The following HMGCLL1 variants were observed in gnomAD, a reference collection of about 807,000 sequenced individuals.
HMGCLL1 encodes 3-hydroxymethyl-3-methylglutaryl-CoA lyase, cytoplasmic.
HMGCLL1 carries 36 observed loss-of-function variants against 39.1 expected under a neutral mutation model. The observed-to-expected ratio is 0.92, with a 90% confidence interval of 0.71 to 1.22. The LOEUF (loss-of-function observed/expected upper bound fraction) is 1.22. Ranked by LOEUF, HMGCLL1 falls within the 50% of genes most tolerant of loss-of-function variation. The pLI is 0.00. For missense variants in HMGCLL1, 451 were observed against 416.5 expected (o/e 1.08, Z -0.72); for synonymous variants, 149 against 144.0 (o/e 1.03, Z -0.25).
chr6:55,573,747 A>C (rs1358332265), intron 1 of HMGCLL1, among the ~76,000 whole-genome samples: 1 of 152,156 alleles, frequency 6.6e-6, no homozygotes, highest in Non-Finnish European at 1.5e-5. Context: ...AGAAGATTTA[A>C]AAGGAAACAA....
intron 7 of HMGCLL1, among the ~76,000 whole-genome samples, chr6:55,483,978 T>A (rs1765875130): frequency 6.6e-6 from 1 of 152,212 alleles, no homozygotes; most frequent in African/African-American, 2.4e-5. Flanking sequence ...AAGAATGGGT[T>A]AGGTAATAAA....
the HMGCLL1 span, among the ~76,000 whole-genome samples, chr6:55,638,948 G>A: frequency 6.6e-5 from 10 of 152,084 alleles, no homozygotes; most frequent in Admixed American, 6.6e-4. Context: ...AAATCTATGT[G>A]TCCTAGCAGC....
the HMGCLL1 span, among the ~76,000 whole-genome samples, chr6:55,655,536 G>GTAGATAGACAGA: frequency 6.8e-6 from 1 of 147,620 alleles, no homozygotes; most frequent in Admixed American, 6.8e-5. Context: ...AGTTATATTG[G>GTAGATAGACAGA]TAGATAGATA....
the HMGCLL1 span, among the ~76,000 whole-genome samples, chr6:55,636,561 G>A: frequency 1.3e-5 from 2 of 152,080 alleles, no homozygotes; most frequent in African/African-American, 4.8e-5. Flanking sequence ...TTATGGCTTA[G>A]TGTAAGGATT....
At chr6:55,498,356 T>C (rs1766697468) in intron 6 of HMGCLL1, among the ~76,000 whole-genome samples, 1 of 152,140 alleles carries the variant, frequency 6.6e-6, no homozygotes, top group Non-Finnish European at 1.5e-5. Context: ...TGTGCCTCTG[T>C]GTGCAAGGGT....
the HMGCLL1 span, among the ~76,000 whole-genome samples, chr6:55,614,148 T>G: frequency 6.6e-6 from 1 of 152,128 alleles, no homozygotes; most frequent in African/African-American, 2.4e-5. Context: ...TACAAATAAA[T>G]TGCATTAAAA....
At chr6:55,446,864 C>T (rs116449035) in intron 7 of HMGCLL1, among the ~76,000 whole-genome samples, 2,408 of 151,890 alleles carry the variant, frequency 0.016, 41 homozygotes, top group Non-Finnish European at 0.027. Context: ...TCCCAAAAAA[C>T]AATTAGATCT....
At chr6:55,637,302 G>A in the HMGCLL1 span, among the ~76,000 whole-genome samples, 1 of 152,250 alleles carries the variant, frequency 6.6e-6, no homozygotes, top group East Asian at 1.9e-4. Context: ...TGATAAGGAA[G>A]CAGAATATAG....
At chr6:55,535,782 C>T (rs1419957798) in intron 3 of HMGCLL1, among the ~76,000 whole-genome samples, 1 of 152,096 alleles carries the variant, frequency 6.6e-6, no homozygotes, top group Non-Finnish European at 1.5e-5. Context: ...GAAAATTTCC[C>T]AAATGGAAAG....
chr6:55,490,894 T>C (rs1581849283), intron 7 of HMGCLL1, among the ~76,000 whole-genome samples: 1 of 102,472 alleles, frequency 9.8e-6, no homozygotes, highest in South Asian at 2.7e-4. Flanking sequence ...TGTATACCCA[T>C]TTTTTTTTTA....
chr6:55,572,518 A>T (rs1771559963), intron 1 of HMGCLL1, among the ~76,000 whole-genome samples: 1 of 152,044 alleles, frequency 6.6e-6, no homozygotes, highest in African/African-American at 2.4e-5. Context: ...TTACCTTTAT[A>T]ACTTGTTCTT....
intron 3 of HMGCLL1, among the ~76,000 whole-genome samples, chr6:55,539,894 GAAA>G (rs1769255654): frequency 2.1e-5 from 3 of 139,688 alleles, no homozygotes; most frequent in African/African-American, 8.1e-5. Flanking sequence ...AAGAAAGAAA[GAAA>G]GAAAGAAAGA....
At chr6:55,550,614 G>A (rs981326812) in intron 1 of HMGCLL1, among the ~76,000 whole-genome samples, 1 of 151,838 alleles carries the variant, frequency 6.6e-6, no homozygotes, top group Non-Finnish European at 1.5e-5. Context: ...CTGAGGAAGT[G>A]GTCTCCAAAA....
chr6:55,603,105 G>A, the HMGCLL1 span, among the ~76,000 whole-genome samples: 1 of 151,956 alleles, frequency 6.6e-6, no homozygotes, highest in Non-Finnish European at 1.5e-5. Context: ...TGAGTATTAA[G>A]TCTACCGCCT....
At chr6:55,548,637 T>C (rs1770129741) in intron 1 of HMGCLL1, among the ~76,000 whole-genome samples, 1 of 152,008 alleles carries the variant, frequency 6.6e-6, no homozygotes, top group Admixed American at 6.6e-5. Context: ...TTTTTAAAAG[T>C]AGCTTCAGCA....
chr6:55,539,859 G>GAAGAAAGA (rs376526008), intron 3 of HMGCLL1, among the ~76,000 whole-genome samples: 3,654 of 62,764 alleles, frequency 0.058, 128 homozygotes, highest in East Asian at 0.087. Flanking sequence ...AAAGAAAGAG[G>GAAGAAAGA]AAGAAAGAAA....
At chr6:55,622,376 T>C in the HMGCLL1 span, among the ~76,000 whole-genome samples, 22 of 152,222 alleles carry the variant, frequency 1.4e-4, no homozygotes, top group African/African-American at 4.1e-4. Context: ...TTTCAGTTTT[T>C]ACTCATTCAA....
chr6:55,561,422 T>A (rs1049006800), intron 1 of HMGCLL1, among the ~76,000 whole-genome samples: 1 of 152,146 alleles, frequency 6.6e-6, no homozygotes, highest in African/African-American at 2.4e-5. Flanking sequence ...CCATGGACTT[T>A]TAGATCAGTG....
chr6:55,530,360 A>G, intron 3 of HMGCLL1, among the ~76,000 whole-genome samples: 1 of 145,758 alleles, frequency 6.9e-6, no homozygotes, highest in East Asian at 1.9e-4. Context: ...GACATTTATA[A>G]AATAAATAGC....
Sources: allele counts gnomAD v4.1 joint callset (sites outside exome capture counted in the v4.1 genomes callset), GRCh38; gene constraint gnomAD v4.1.1; transcripts MANE v1.5; gene names NCBI Gene and HGNC (gene_info 2026-07-23, HGNC 2026-07-21).